RYR2: variants seen among roughly 807,000 people sequenced by gnomAD.
RYR2 encodes the protein ryanodine receptor 2.
RYR2 carries 227 observed loss-of-function variants against 601.1 expected under a neutral mutation model. The observed-to-expected ratio is 0.38, with a 90% CI of 0.34 to 0.42. The LOEUF is 0.42. Ranked by LOEUF, RYR2 falls within the 10% of genes least tolerant of loss-of-function variation. The pLI is 1.00. For synonymous variants in RYR2, 2,223 were observed against 2,175.1 expected (o/e 1.02, Z -0.61); for missense variants, 4,646 against 6,156.5 (o/e 0.75, Z 8.21).
intron 20 of RYR2, 128 bp from the exon 21 acceptor site, chr1:237,500,583 A>G: frequency 1.4e-6 from 1 of 717,190 alleles, no homozygotes; most frequent in East Asian, 2.6e-5. Flanking sequence ...TTTACATTCA[A>G]GATTTATTCC....
chr1:237,639,336 T>G, intron 46 of RYR2, 135 bp downstream of exon 46: 1 of 881,400 alleles, frequency 1.1e-6, no homozygotes, highest in East Asian at 2.8e-5. Flanking sequence ...ATATAATGTC[T>G]TAGATTTGGA....
rs942855452 is a variant in RYR2 at position 237,513,232 on chromosome 1, T to C, written c.2822+1441T>C. The stretch of plus-strand genomic sequence containing the variant: ...AGGAATATAATTTCGAATTTTGATA[T>C]AGAAAAGTAAAGAGAATATTTTTGC... On this transcript the variant is annotated intron_variant, in intron 24 of 104. Coordinates refer to ENST00000366574, the MANE Select transcript of RYR2 (RefSeq NM_001035.3). Among the ~76,000 whole-genome samples the C allele has an allele frequency of 3.3e-5, 5 of 152,334 alleles. No individual in the cohort carries two copies. The East Asian group carries it at 5.8e-4, about 18-fold the overall frequency.
chr1:237,812,024 T>A (rs976434553), intron 100 of RYR2, among the ~76,000 whole-genome samples: 2 of 152,198 alleles, frequency 1.3e-5, no homozygotes, highest in Admixed American at 6.5e-5. Context: ...CACTTGGCTA[T>A]AAATGCTATT....
chr1:237,380,729 G>A (rs1043004149), intron 8 of RYR2, among the ~76,000 whole-genome samples: 1 of 151,586 alleles, frequency 6.6e-6, no homozygotes, highest in African/African-American at 2.4e-5. Flanking sequence ...ATCACTTTAG[G>A]CCAGGAGTTT....
At chr1:237,675,290 A>C (rs1235479264) in intron 60 of RYR2, among the ~76,000 whole-genome samples, 2 of 152,138 alleles carry the variant, frequency 1.3e-5, no homozygotes, top group Admixed American at 6.6e-5. Context: ...TGCTGTGCAG[A>C]ATACTTTATT....
At position 237,284,548 on chromosome 1, in the gene RYR2, G is replaced by GTATATA. The variant is rs146853072; in HGVS notation, c.168+13938_168+13943dup. ...TATTGTGTGTATATATATAGTGTGT[G>GTATATA]TATATATATATTCCACCATATATAT... is the stretch of plus-strand genomic sequence containing the variant. On this transcript the variant is annotated intron_variant, in intron 2 of 104. Coordinates refer to ENST00000366574, the MANE Select transcript of RYR2 (RefSeq NM_001035.3). 4.0e-3 allele frequency among the ~76,000 whole-genome samples: 568 copies of GTATATA among 140,750 alleles called. 6 individuals carry two copies. The highest frequency in any genetic ancestry group is 0.013 in the Admixed American group (185 of 13,830). The allele number at this position is 140,750 out of a possible 152,430, so 92.3% of individuals were successfully genotyped here.
chr1:237,193,365 G>C (rs1332946650), intron 1 of RYR2, among the ~76,000 whole-genome samples: 4 of 152,174 alleles, frequency 2.6e-5, no homozygotes, highest in African/African-American at 9.7e-5. Flanking sequence ...TACTCGGGAG[G>C]CTGAGGCAGG....
intron 24 of RYR2, among the ~76,000 whole-genome samples, chr1:237,518,341 T>C (rs1399886642): frequency 6.6e-6 from 1 of 152,166 alleles, no homozygotes; most frequent in Non-Finnish European, 1.5e-5. Context: ...GTCAAGACTT[T>C]GAGGGTATCC....
chr1:237,746,137 G>A (rs1360003384), intron 80 of RYR2, among the ~76,000 whole-genome samples: 4 of 152,032 alleles, frequency 2.6e-5, no homozygotes, highest in Non-Finnish European at 4.4e-5. Context: ...GTTTATAAAT[G>A]TAGTAATCTA....
At chr1:237,796,948 C>CTTT (rs1255867318) in intron 96 of RYR2, among the ~76,000 whole-genome samples, 1 of 152,032 alleles carries the variant, frequency 6.6e-6, no homozygotes, top group East Asian at 1.9e-4. Flanking sequence ...CCATGCCTGG[C>CTTT]TAATTTTTGT....
At chr1:237,810,898 CAAT>C (rs900528712) in intron 100 of RYR2, among the ~76,000 whole-genome samples, 51 of 152,090 alleles carry the variant, frequency 3.4e-4, no homozygotes, top group African/African-American at 1.2e-3. Context: ...TATATATACA[CAAT>C]AATTCATATT....
intron 1 of RYR2, among the ~76,000 whole-genome samples, chr1:237,256,548 T>G (rs995153991): frequency 6.6e-6 from 1 of 152,228 alleles, no homozygotes; most frequent in Non-Finnish European, 1.5e-5. Context: ...CTTGGTTCTC[T>G]GCTGCTCCTC....
At chr1:237,065,943 T>TCACTAGAGATTTCAAGAGCACTC (rs1663553908) in intron 1 of RYR2, among the ~76,000 whole-genome samples, 1 of 152,092 alleles carries the variant, frequency 6.6e-6, no homozygotes, top group East Asian at 1.9e-4. Flanking sequence ...CAAGAGCACT[T>TCACTAGAGATTTCAAGAGCACTC]GCTCACTATC....
intron 58 of RYR2, among the ~76,000 whole-genome samples, chr1:237,673,006 C>G (rs980138989): frequency 1.3e-5 from 2 of 152,180 alleles, no homozygotes; most frequent in African/African-American, 4.8e-5. Flanking sequence ...ACATTTCCTC[C>G]TTTGCTTGCT....
chr1:237,724,025 G>A lies in RYR2; in HGVS notation c.10689+763G>A, dbSNP rs569297434. Among the ~76,000 whole-genome samples, 3 of 151,882 alleles carry A rather than the reference G, an allele frequency of 2.0e-5. No individual in the cohort carries two copies. In the South Asian group the frequency reaches 6.2e-4, roughly 32 times the overall value. On this transcript the variant is annotated intron_variant, in intron 74 of 104. Coordinates refer to ENST00000366574, the MANE Select transcript of RYR2 (RefSeq NM_001035.3). Reference sequence around the variant, plus strand: ...AAGTCCATTCAGCAAAATAATCACAGTGAAGAAGCTCATTGTAACTTGACC... The same window carrying A: ...AAGTCCATTCAGCAAAATAATCACAATGAAGAAGCTCATTGTAACTTGACC...
At chr1:237,483,619 T>A (rs1662361145) in intron 17 of RYR2, among the ~76,000 whole-genome samples, 1 of 152,250 alleles carries the variant, frequency 6.6e-6, no homozygotes, top group Non-Finnish European at 1.5e-5. Flanking sequence ...AATCAGTTAC[T>A]CTTCTGAAAG....
intron 1 of RYR2, among the ~76,000 whole-genome samples, chr1:237,056,559 C>G (rs1277582923): frequency 2.7e-5 from 4 of 148,524 alleles, no homozygotes; most frequent in South Asian, 2.1e-4. Context: ...AGCACTGCAC[C>G]TGTGAGGACT....
chr1:237,138,028 A>G (rs1672972313), intron 1 of RYR2, among the ~76,000 whole-genome samples: 1 of 151,482 alleles, frequency 6.6e-6, no homozygotes, highest in African/African-American at 2.4e-5. Context: ...ATTTTATTTT[A>G]TTTTATTTTA....
intron 24 of RYR2, among the ~76,000 whole-genome samples, chr1:237,520,880 A>G (rs1448801290): frequency 6.6e-6 from 1 of 152,120 alleles, no homozygotes. Context: ...TATTAAAAAT[A>G]CAAAAATTAG....
Sources: gnomAD v4.1 joint callset for allele counts (sites outside exome capture counted in the v4.1 genomes callset) on GRCh38, gnomAD v4.1.1 for gene constraint, MANE v1.5 for transcripts, NCBI Gene and HGNC (gene_info 2026-07-23, HGNC 2026-07-21) for gene names.